Variants in HIPK3 observed in about 807,000 individuals in gnomAD.
HIPK3 encodes homeodomain interacting protein kinase 3, also known as homeodomain-interacting protein kinase 3.
HIPK3 carries 47 observed loss-of-function variants against 124.2 expected under a neutral mutation model. The observed-to-expected ratio is 0.38, with a 90% CI of 0.30 to 0.48. The LOEUF is 0.48. Among genes scored for constraint, HIPK3 ranks in the 20% least tolerant of loss-of-function variants. HIPK3 has a pLI of 0.98. For missense variants in HIPK3, 1,286 were observed against 1,454.3 expected (o/e 0.88, Z 1.88); for synonymous variants, 482 against 515.2 (o/e 0.94, Z 0.87).
intron 1 of HIPK3, among the ~76,000 whole-genome samples, chr11:33,283,673 C>CTT (rs112335178): frequency 3.5e-5 from 5 of 144,046 alleles, no homozygotes; most frequent in African/African-American, 1.0e-4. Context: ...CTTCAGTTTT[C>CTT]TTTTTTTTTT....
At chr11:33,349,338 G>A (rs4756641) in intron 14 of HIPK3, 51 bp downstream of exon 14, 583,665 of 1,464,824 alleles carry the variant, frequency 0.4, 120,879 homozygotes, top group Non-Finnish European at 0.44. Flanking sequence ...CTACTAAAAA[G>A]CCTACGATTT....
intron 2 of HIPK3, among the ~76,000 whole-genome samples, chr11:33,311,882 C>A (rs1274496093): frequency 4.9e-5 from 5 of 102,768 alleles, no homozygotes; most frequent in Admixed American, 9.8e-5. Flanking sequence ...CACACACACA[C>A]TTGGGCAACA....
At chr11:33,280,708 G>T (rs1851390249) in intron 1 of HIPK3, among the ~76,000 whole-genome samples, 1 of 152,186 alleles carries the variant, frequency 6.6e-6, no homozygotes, top group Non-Finnish European at 1.5e-5. Flanking sequence ...TGTTGGGAAA[G>T]AAAAGCTAGG....
At position 33,287,562 on chromosome 11, in the gene HIPK3, C is replaced by G. The variant is rs372276663; in HGVS notation, c.1097+51C>G. 27 of 1,544,928 alleles carry G rather than the reference C, an allele frequency of 1.7e-5. No individual in the cohort carries two copies. The African/African-American group carries it at 2.8e-4, about 16-fold the overall frequency. ...GTTGTTTATTAATGTGAAATTTCTG[C>G]TAAATGAAATACTTTTGTGTGTGTT... On this transcript the variant is annotated intron_variant, in intron 2 of 16. Coordinates refer to ENST00000303296, the MANE Select transcript of HIPK3 (RefSeq NM_005734.5).
chr11:33,284,351 G>A (rs1018960835), intron 1 of HIPK3, among the ~76,000 whole-genome samples: 3 of 152,246 alleles, frequency 2.0e-5, no homozygotes, highest in East Asian at 1.9e-4. Flanking sequence ...TGTTGTAATC[G>A]CAAAATGAGA....
At chr11:33,323,761 T>G (rs1852732153) in intron 2 of HIPK3, among the ~76,000 whole-genome samples, 1 of 152,190 alleles carries the variant, frequency 6.6e-6, no homozygotes, top group Admixed American at 6.5e-5. Context: ...TAAAAGCACA[T>G]GGCAAAAAAT....
intron 1 of HIPK3, among the ~76,000 whole-genome samples, chr11:33,258,121 C>A (rs1850716929): frequency 6.6e-6 from 1 of 152,078 alleles, no homozygotes; most frequent in South Asian, 2.1e-4. Context: ...CCCTCGAAGC[C>A]GGCGCCACGC....
At chr11:33,266,678 C>G (rs976945388) in intron 1 of HIPK3, among the ~76,000 whole-genome samples, 1 of 152,148 alleles carries the variant, frequency 6.6e-6, no homozygotes, top group Non-Finnish European at 1.5e-5. Context: ...CGCCACTGCA[C>G]TGTAGCCTTG....
chr11:33,273,670 G>A (rs543553856), intron 1 of HIPK3, among the ~76,000 whole-genome samples: 1 of 152,158 alleles, frequency 6.6e-6, no homozygotes, highest in South Asian at 2.1e-4. Context: ...GAATTTAGCA[G>A]TATAAGGCAT....
chr11:33,338,693 A>G (rs1279090783), intron 4 of HIPK3, 64 bp from the exon 5 acceptor site: 3 of 971,870 alleles, frequency 3.1e-6, no homozygotes, highest in Non-Finnish European at 4.8e-6. Context: ...ATTAGACTAA[A>G]TGTGCCAGGA....
At chr11:33,268,429 A>G (rs567090294) in intron 1 of HIPK3, among the ~76,000 whole-genome samples, 1 of 151,838 alleles carries the variant, frequency 6.6e-6, no homozygotes, top group South Asian at 2.1e-4. Context: ...CTCCATCTCT[A>G]TAAAAAATAC....
At position 33,257,525 on chromosome 11, in the gene HIPK3, G is replaced by T; in HGVS notation, c.-367G>T. On this transcript the variant is annotated 5_prime_UTR_variant, in exon 1 of 17. Transcript: ENST00000303296. The stretch of plus-strand genomic sequence containing the variant: ...CAGGAATGGGCCCCAATCGCCGTGG[G>T]CCCCGCACCCTGCGTCGCCCGTAGG... 1 of 985,592 alleles carries T rather than the reference G, an allele frequency of 1.0e-6. No individual in the cohort carries two copies. Among genetic ancestry groups the T allele is most frequent in the Non-Finnish European group, 1.2e-6 (1 of 830,086 alleles). 61.1% of individuals were successfully genotyped at this position (985,592 alleles called of 1,614,324 possible). A position where few individuals can be genotyped will look rare whatever the true frequency, so the allele number is the denominator to read the frequency against.
At chr11:33,258,282 C>G in intron 1 of HIPK3, 2 of 985,034 alleles carry the variant, frequency 2.0e-6, no homozygotes, top group Non-Finnish European at 2.4e-6. Flanking sequence ...CGGGGAGCCT[C>G]TCTTCCCCCT....
intron 8 of HIPK3, among the ~76,000 whole-genome samples, chr11:33,343,763 T>C (rs1422271435): frequency 6.6e-6 from 1 of 152,186 alleles, no homozygotes; most frequent in Non-Finnish European, 1.5e-5. Flanking sequence ...ATTTTCATTG[T>C]TTTTATATAT....
In HIPK3 at chr11:33,286,832, G is replaced by T. The variant is rs556300403; in HGVS notation, c.418G>T (p.Ala140Ser). The change falls in exon 2 of 17, where the codon GCA becomes TCA. Residue 140 changes from alanine (A) to serine (S), a missense_variant. Physicochemically the swap from Ala to Ser is moderately conservative, Grantham distance 99. This residue lies in a region of HIPK3 where 225 missense variants were observed against 240.3 expected (regional missense o/e 0.94). Transcript: ENST00000303296. ...TGAGGAGTTGGATAATCATAGCAGC[G>T]CAATGCAGATTGTCGATGAATTGTC... ...KSEELDNHSS[A>S]MQIVDELSIL... The T allele has an allele frequency of 1.2e-6, 2 of 1,614,138 alleles. No homozygotes were observed. Among genetic ancestry groups the T allele is most frequent in the Admixed American group, 3.3e-5 (2 of 60,018 alleles).
chr11:33,343,139 C>G (rs573320801), intron 8 of HIPK3, among the ~76,000 whole-genome samples: 1 of 152,174 alleles, frequency 6.6e-6, no homozygotes, highest in South Asian at 2.1e-4. Context: ...TCATTGTAGG[C>G]TAGCCTGTTT....
chr11:33,261,599 T>TA (rs1053326537), intron 1 of HIPK3, among the ~76,000 whole-genome samples: 3 of 152,214 alleles, frequency 2.0e-5, no homozygotes, highest in Non-Finnish European at 1.5e-5. Context: ...AGCATATTTT[T>TA]AAAAAATCGA....
chr11:33,313,419 T>C (rs181296898), intron 2 of HIPK3, among the ~76,000 whole-genome samples: 2 of 152,304 alleles, frequency 1.3e-5, no homozygotes, highest in Admixed American at 1.3e-4. Flanking sequence ...AGAGCTTGTT[T>C]TGGGGAAGTA....
intron 1 of HIPK3, among the ~76,000 whole-genome samples, chr11:33,269,733 A>G (rs1283569651): frequency 6.8e-6 from 1 of 147,734 alleles, no homozygotes; most frequent in Non-Finnish European, 1.5e-5. Context: ...CTTTAATGAG[A>G]TTGCTCCTAC....
Sources: gnomAD v4.1 joint callset for allele counts (sites outside exome capture counted in the v4.1 genomes callset) on GRCh38, gnomAD v4.1.1 for gene constraint, gnomAD v4.1.1 regional missense constraint, MANE v1.5 for transcripts, NCBI Gene and HGNC (gene_info 2026-07-23, HGNC 2026-07-21) for gene names.